ADGRB3: variants seen among roughly 807,000 people sequenced by gnomAD.
ADGRB3 encodes the protein brain-specific angiogenesis inhibitor 3.
ADGRB3 carries 37 observed loss-of-function variants against 193.4 expected under a neutral mutation model. The ratio of observed to expected loss-of-function variants is 0.19; its 90% CI spans 0.15 to 0.25. The LOEUF (loss-of-function observed/expected upper bound fraction) is 0.25. ADGRB3 is among the 10% of genes least tolerant of loss of function. The probability of loss-of-function intolerance (pLI) is 1.00; values close to 1 mark genes in which losing one functional copy is unlikely to be tolerated. For synonymous variants in ADGRB3, 690 were observed against 644.2 expected (o/e 1.07, Z -1.08); for missense variants, 1,637 against 1,852.9 (o/e 0.88, Z 2.14).
intron 20 of ADGRB3, among the ~76,000 whole-genome samples, chr6:69,313,822 T>C (rs1005859922): frequency 6.6e-6 from 1 of 151,756 alleles, no homozygotes; most frequent in African/African-American, 2.4e-5. Context: ...ACATATACAT[T>C]GTAGAATGGT....
chr6:68,875,375 G>A (rs1293844548), intron 3 of ADGRB3, among the ~76,000 whole-genome samples: 4 of 144,626 alleles, frequency 2.8e-5, no homozygotes. Context: ...GATATATTTG[G>A]TAAGGTTAAA....
At position 69,262,108 on chromosome 6, in the gene ADGRB3, A is replaced by G. The variant is rs890233384; in HGVS notation, c.2814+22882A>G. 7.2e-5 allele frequency among the ~76,000 whole-genome samples: 11 copies of G among 152,176 alleles called. No individual in the cohort carries two copies. In the South Asian group the frequency reaches 2.1e-3, roughly 29 times the overall value. ...TCATCCCTATCTTGTCTTTGAATCA[A>G]CACACCTTGAATGAGGTCCAAGCTA... is the stretch of plus-strand genomic sequence containing the variant. On this transcript the variant is annotated intron_variant, in intron 20 of 31. Transcript: ENST00000370598.
At chr6:69,066,901 A>C (rs553967808) in intron 16 of ADGRB3, among the ~76,000 whole-genome samples, 6 of 152,240 alleles carry the variant, frequency 3.9e-5, no homozygotes, top group Non-Finnish European at 8.8e-5. Context: ...ATCCCTATGT[A>C]GACAAACACA....
chr6:68,834,932 A>G (rs1438666812), intron 3 of ADGRB3, among the ~76,000 whole-genome samples: 1 of 152,090 alleles, frequency 6.6e-6, no homozygotes, highest in Non-Finnish European at 1.5e-5. Flanking sequence ...TTTTCCTCAA[A>G]CTAAGTTACT....
At chr6:68,950,622 C>T (rs1767890169) in intron 6 of ADGRB3, among the ~76,000 whole-genome samples, 2 of 152,100 alleles carry the variant, frequency 1.3e-5, no homozygotes, top group Admixed American at 6.6e-5. Context: ...ATAAAATGAT[C>T]AACCCTTTAC....
At position 68,786,117 on chromosome 6, in the gene ADGRB3, A is replaced by G. The variant is rs375326907; in HGVS notation, c.758-144442A>G. 3.8e-4 allele frequency among the ~76,000 whole-genome samples: 57 copies of G among 151,646 alleles called. No individual in the cohort carries two copies. The East Asian group carries it at 6.2e-3, about 16-fold the overall frequency. On this transcript the variant is annotated intron_variant, in intron 3 of 31. Transcript: ENST00000370598. ...ATTCTGTAGGTTGCCTGTTCACTCT[A>G]ATGGTAGTTTCTTTTGCTGTGCAGA...
At chr6:68,729,122 A>G (rs984070141) in intron 3 of ADGRB3, among the ~76,000 whole-genome samples, 4 of 151,642 alleles carry the variant, frequency 2.6e-5, no homozygotes, top group African/African-American at 9.7e-5. Flanking sequence ...AATAAAAAGC[A>G]TAATTAAAAC....
chr6:69,031,557 T>TTCTTTCTTTCTTTCTTTCTCTCTCTCTC (rs1562129445), intron 13 of ADGRB3, among the ~76,000 whole-genome samples: 1 of 129,086 alleles, frequency 7.7e-6, no homozygotes, highest in Non-Finnish European at 1.7e-5. Flanking sequence ...TTCTTTTTCT[T>TTCTTTCTTTCTTTCTTTCTCTCTCTCTC]TCTTTCTTTT....
At chr6:69,253,127 A>G (rs779453) in intron 20 of ADGRB3, among the ~76,000 whole-genome samples, 143,161 of 151,884 alleles carry the variant, frequency 0.94, 67,535 homozygotes, top group East Asian at 1. Flanking sequence ...GGATTTCTCC[A>G]TTGTTTCTGT....
At chr6:68,743,351 T>TGTG (rs57794730) in intron 3 of ADGRB3, among the ~76,000 whole-genome samples, 20 of 150,144 alleles carry the variant, frequency 1.3e-4, no homozygotes, top group Admixed American at 4.6e-4. Context: ...GTTTTTTTTT[T>TGTG]TGTGTGTGTG....
intron 3 of ADGRB3, among the ~76,000 whole-genome samples, chr6:68,832,691 T>C (rs1767978111): frequency 6.6e-6 from 1 of 152,168 alleles, no homozygotes; most frequent in Non-Finnish European, 1.5e-5. Context: ...TGTGGGACTT[T>C]TACTTGTCTT....
At position 69,361,281 on chromosome 6, in the gene ADGRB3, G is replaced by T; in HGVS notation, c.4008G>T (p.Pro1336=). 1.9e-6 allele frequency: 3 copies of T among 1,612,406 alleles called. No homozygotes were observed. The highest frequency in any genetic ancestry group is 2.5e-6 in the Non-Finnish European group (3 of 1,179,106). Residue 1336 remains proline (P), a synonymous_variant, in exon 29 of 32, where the codon CCG becomes CCT. Transcript: ENST00000370598. The stretch of plus-strand genomic sequence containing the variant: ...TGAATATTGGCATGGAAACCTTGCC[G>T]CATGAAAGGCTATTGCACTACAAAG... The part of the protein sequence containing the change: ...SKMNIGMETL[P]HERLLHYKVN...
At chr6:68,701,663 A>G (rs1328174850) in intron 3 of ADGRB3, among the ~76,000 whole-genome samples, 1 of 152,100 alleles carries the variant, frequency 6.6e-6, no homozygotes, top group Non-Finnish European at 1.5e-5. Flanking sequence ...ATTTTTTGCC[A>G]CATCTTGGTT....
rs1423273989 is a variant in ADGRB3, at chr6:68,956,176, C to T, written c.1348C>T (p.Pro450Ser). 6.2e-7 allele frequency: 1 copy of T among 1,611,202 alleles called. No individual in the cohort carries two copies. The highest frequency in any genetic ancestry group is 1.1e-5 in the South Asian group (1 of 90,784). Residue 450 changes from proline (P) to serine (S), a missense_variant, in exon 7 of 32, where the codon CCT becomes TCT. Transcript: ENST00000370598. ...GGCAGAAAGCAGAGAGTGCTATAAC[C>T]CTGAATGTACAGGTAGGGCTTGATT... ...PWAESRECYN[P>S]ECTANGQWNQ...
chr6:68,910,961 A>G lies in ADGRB3; in HGVS notation c.758-19598A>G, dbSNP rs185576361. ...TGTTAAGAAAGTCATTCATAGCTTG[A>G]TGGGGATGGCATTGAAACTATAAAT... On this transcript the variant is annotated intron_variant, in intron 3 of 31. Coordinates refer to ENST00000370598, the MANE Select transcript of ADGRB3 (RefSeq NM_001704.3). 2.0e-3 allele frequency among the ~76,000 whole-genome samples: 302 copies of G among 152,166 alleles called. 1 individual carries two copies. Among genetic ancestry groups the G allele is most frequent in the African/African-American group, 6.9e-3 (286 of 41,498 alleles).
At chr6:68,748,979 A>G (rs549625894) in intron 3 of ADGRB3, among the ~76,000 whole-genome samples, 44 of 152,302 alleles carry the variant, frequency 2.9e-4, no homozygotes, top group Non-Finnish European at 5.4e-4. Flanking sequence ...GCCACAGCCC[A>G]AGCTGTACAT....
chr6:69,388,371 A>T (rs534548558), intron 31 of ADGRB3, among the ~76,000 whole-genome samples: 1 of 152,174 alleles, frequency 6.6e-6, no homozygotes, highest in East Asian at 1.9e-4. Context: ...CTTAGTGGTG[A>T]CTTAACTCTC....
intron 29 of ADGRB3, among the ~76,000 whole-genome samples, chr6:69,371,136 C>T (rs1562002075): frequency 1.3e-5 from 2 of 152,122 alleles, no homozygotes; most frequent in African/African-American, 4.8e-5. Flanking sequence ...TCTTAAGCAG[C>T]TTCACTAAAA....
chr6:69,359,132 G>A (rs1446216071), intron 28 of ADGRB3, among the ~76,000 whole-genome samples: 2 of 151,190 alleles, frequency 1.3e-5, no homozygotes, highest in African/African-American at 4.9e-5. Flanking sequence ...AAACAAAATA[G>A]GTTCCCATAT....
Sources: allele counts gnomAD v4.1 joint callset (sites outside exome capture counted in the v4.1 genomes callset), GRCh38; gene constraint gnomAD v4.1.1; transcripts MANE v1.5; gene names NCBI Gene and HGNC (gene_info 2026-07-23, HGNC 2026-07-21).